Variants in TPST2 observed in about 807,000 individuals in gnomAD.
TPST2 encodes the protein tyrosylprotein sulfotransferase 2.
A neutral mutation model predicts 27.8 loss-of-function variants in TPST2; 16 were observed. The observed-to-expected ratio is 0.58, with a 90% CI of 0.39 to 0.88. TPST2 has a LOEUF of 0.88. Ranked by LOEUF, TPST2 falls within the 40% of genes least tolerant of loss-of-function variation. TPST2 has a pLI of 0.00. For synonymous variants in TPST2, 229 were observed against 231.7 expected (o/e 0.99, Z 0.10); for missense variants, 464 against 543.1 (o/e 0.85, Z 1.45).
At chr22:26,569,918 C>T (rs1927534758) in intron 1 of TPST2, among the ~76,000 whole-genome samples, 1 of 138,678 alleles carries the variant, frequency 7.2e-6, no homozygotes, top group Non-Finnish European at 1.5e-5. Context: ...TGCCACTGCA[C>T]TCCAGCCTGG....
chr22:26,529,502 T>TCTAGGGG (rs903741552), intron 5 of TPST2, among the ~76,000 whole-genome samples: 39 of 151,980 alleles, frequency 2.6e-4, no homozygotes, highest in African/African-American at 9.4e-4. Flanking sequence ...GGGGAGAGGG[T>TCTAGGGG]CTAGGGGCTA....
In TPST2 at chr22:26,541,102, T is replaced by G. The variant is rs1316246951; in HGVS notation, c.529A>C (p.Lys177Gln). ...CCGTCCCGCACCATCAGCAGGAACT[T>G]GGAGTTGGGGAACAGGCGCGACAGG... The part of the protein sequence containing the change: ...VYLSRLFPNS[K>Q]FLLMVRDGRA... Residue 177 changes from lysine (K) to glutamine (Q), a missense_variant, in exon 3 of 7, where the codon AAG (lysine) becomes CAG (glutamine). Coordinates refer to ENST00000338754, the MANE Select transcript of TPST2 (RefSeq NM_003595.5). This position sits in a 1 kb window ranked among gnomAD's most constrained non-coding sequence, Gnocchi z 5.9. 2.5e-6 allele frequency: 4 copies of G among 1,607,242 alleles called. No homozygotes were observed. Among genetic ancestry groups the G allele is most frequent in the Non-Finnish European group, 3.4e-6 (4 of 1,174,856 alleles).
At chr22:26,532,611 G>T in intron 5 of TPST2, 84 bp downstream of exon 5, 2 of 1,391,894 alleles carry the variant, frequency 1.4e-6, no homozygotes, top group Non-Finnish European at 2.0e-6. Flanking sequence ...CCAGAGTGGA[G>T]AAGTGACACA....
At chr22:26,534,351 T>C (rs1925333592) in intron 4 of TPST2, among the ~76,000 whole-genome samples, 2 of 152,144 alleles carry the variant, frequency 1.3e-5, no homozygotes, top group South Asian at 4.1e-4. Flanking sequence ...TGGCAAAAAC[T>C]AAACCAGGGA....
Position 26,577,850 on chromosome 22 carries a change from G to T in TPST2, c.-161+12203C>A, listed in dbSNP as rs1336889754. Among the ~76,000 whole-genome samples the T allele has an allele frequency of 2.0e-5, 3 of 151,426 alleles. 1 individual carries two copies. The highest frequency in any genetic ancestry group is 4.2e-4 in the South Asian group (2 of 4,778). On this transcript the variant is annotated intron_variant, in intron 1 of 6. Coordinates refer to ENST00000338754, the MANE Select transcript of TPST2 (RefSeq NM_003595.5). ...ATTTTTGTATTTTTAGTAGAAATGG[G>T]GTTTCACCATGTTGGCCAGGCTGGT...
intron 1 of TPST2, among the ~76,000 whole-genome samples, chr22:26,581,867 G>A (rs1928127618): frequency 6.6e-6 from 1 of 152,150 alleles, no homozygotes; most frequent in African/African-American, 2.4e-5. Context: ...GGGCTCTCTG[G>A]TCTCTATCAC....
intron 1 of TPST2, among the ~76,000 whole-genome samples, chr22:26,544,997 T>G (rs1926044416): frequency 6.6e-6 from 1 of 152,116 alleles, no homozygotes; most frequent in Non-Finnish European, 1.5e-5. Flanking sequence ...CTAGGGACCT[T>G]GGACTCCAGG....
intron 5 of TPST2, among the ~76,000 whole-genome samples, chr22:26,532,124 C>T (rs888770072): frequency 6.6e-6 from 1 of 151,964 alleles, no homozygotes; most frequent in African/African-American, 2.4e-5. Flanking sequence ...AGAAAGAAAG[C>T]CCAAGAAAAA....
chr22:26,557,237 G>A (rs974013263), intron 1 of TPST2, among the ~76,000 whole-genome samples: 2 of 152,232 alleles, frequency 1.3e-5, no homozygotes, highest in South Asian at 2.1e-4. Flanking sequence ...GCAAACATCC[G>A]CAGTGGATGA....
chr22:26,546,076 CA>C (rs756682739), intron 1 of TPST2, among the ~76,000 whole-genome samples: 1,223 of 69,750 alleles, frequency 0.018, 6 homozygotes, highest in African/African-American at 0.03. Flanking sequence ...GACCACGTCT[CA>C]AAAAAAAAAA....
chr22:26,548,964 C>T (rs1040766380), intron 1 of TPST2, among the ~76,000 whole-genome samples: 1 of 151,714 alleles, frequency 6.6e-6, no homozygotes, highest in Non-Finnish European at 1.5e-5. Context: ...GGAGCCCCTG[C>T]CTCAAAAGAA....
At chr22:26,543,850 T>A (rs1282229868) in intron 2 of TPST2, among the ~76,000 whole-genome samples, 2 of 151,958 alleles carry the variant, frequency 1.3e-5, no homozygotes, top group Non-Finnish European at 2.9e-5. Context: ...AAAAGCAGGG[T>A]GACTTGGGAC....
chr22:26,543,434 T>C (rs1204733119), intron 2 of TPST2, among the ~76,000 whole-genome samples: 2 of 152,118 alleles, frequency 1.3e-5, no homozygotes, highest in Non-Finnish European at 2.9e-5. Context: ...CTGTCAGTTA[T>C]TAGGATTTCA....
chr22:26,540,676 A>G (rs1195306652), intron 3 of TPST2, 113 bp downstream of exon 3: 10 of 961,518 alleles, frequency 1.0e-5, no homozygotes, highest in Non-Finnish European at 1.5e-5. Context: ...TCAGAGAGAT[A>G]TAGTGACTTG....
chr22:26,557,145 T>A (rs1242207752), intron 1 of TPST2, among the ~76,000 whole-genome samples: 1 of 152,224 alleles, frequency 6.6e-6, no homozygotes, highest in African/African-American at 2.4e-5. Flanking sequence ...CCTTGGCTAC[T>A]AAGTTAGCAG....
intron 3 of TPST2, 75 bp downstream of exon 3, chr22:26,540,713 CA>C: frequency 7.2e-7 from 1 of 1,381,516 alleles, no homozygotes; most frequent in Admixed American, 2.5e-5. Flanking sequence ...TCAAGAAAGG[CA>C]GTGCTGATTT....
intron 1 of TPST2, among the ~76,000 whole-genome samples, chr22:26,574,686 A>G (rs1023969489): frequency 6.6e-6 from 1 of 152,184 alleles, no homozygotes; most frequent in African/African-American, 2.4e-5. Context: ...CTCAGAGAGC[A>G]GAAACGAGGA....
intron 1 of TPST2, among the ~76,000 whole-genome samples, chr22:26,556,662 C>T (rs1926812269): frequency 6.6e-6 from 1 of 152,184 alleles, no homozygotes; most frequent in Non-Finnish European, 1.5e-5. Context: ...ATTTTCCCCT[C>T]ATCCAAATTC....
At chr22:26,579,883 C>T (rs1418041877) in intron 1 of TPST2, among the ~76,000 whole-genome samples, 3 of 137,624 alleles carry the variant, frequency 2.2e-5, no homozygotes, top group Admixed American at 8.0e-5. Context: ...GAAAGAGTGA[C>T]AGAGACAGGG....
Sources: allele counts gnomAD v4.1 joint callset (sites outside exome capture counted in the v4.1 genomes callset), GRCh38; gene constraint gnomAD v4.1.1; non-coding constraint Gnocchi (gnomAD v3.1); transcripts MANE v1.5; gene names NCBI Gene and HGNC (gene_info 2026-07-23, HGNC 2026-07-21).